The following KALRN variants were observed in gnomAD, a reference collection of about 807,000 sequenced individuals.
KALRN encodes the protein kalirin.
A neutral mutation model predicts 353.7 loss-of-function variants in KALRN; 70 were observed. That is an observed-to-expected ratio of 0.20 (90% CI 0.16 to 0.24). KALRN has a LOEUF of 0.24. KALRN is among the 10% of genes least tolerant of loss of function. The probability of loss-of-function intolerance (pLI) is 1.00; values close to 1 mark genes in which losing one functional copy is unlikely to be tolerated. For synonymous variants in KALRN, 1,391 were observed against 1,434.8 expected (o/e 0.97, Z 0.69); for missense variants, 2,791 against 3,756.7 (o/e 0.74, Z 6.72).
At chr3:124,122,243 T>C (rs941675364) in intron 1 of KALRN, among the ~76,000 whole-genome samples, 1 of 152,158 alleles carries the variant, frequency 6.6e-6, no homozygotes, top group Non-Finnish European at 1.5e-5. Context: ...GAGGCTCAAT[T>C]CCACTCTGCT....
At chr3:124,264,750 T>C (rs1184385128) in intron 4 of KALRN, 60 bp downstream of exon 4, 2 of 1,425,656 alleles carry the variant, frequency 1.4e-6, no homozygotes, top group Non-Finnish European at 2.0e-6. Flanking sequence ...CATCCACACA[T>C]TTCTCACGTC....
chr3:124,177,905 A>T (rs1413574016), intron 1 of KALRN, among the ~76,000 whole-genome samples: 1 of 152,188 alleles, frequency 6.6e-6, no homozygotes, highest in East Asian at 1.9e-4. Flanking sequence ...TCTCTGGGTA[A>T]TAGGTGGACT....
chr3:124,458,018 G>T (rs2059493189), intron 23 of KALRN, among the ~76,000 whole-genome samples: 1 of 152,120 alleles, frequency 6.6e-6, no homozygotes, highest in African/African-American at 2.4e-5. Flanking sequence ...GCTCACGTCT[G>T]TAATCCCAGC....
intron 28 of KALRN, among the ~76,000 whole-genome samples, chr3:124,487,272 A>G (rs561930657): frequency 3.3e-5 from 5 of 152,318 alleles, no homozygotes; most frequent in South Asian, 2.1e-4. Flanking sequence ...ATAGTTGGAA[A>G]TGATCTTTCC....
chr3:124,719,752 A>G lies in KALRN; in HGVS notation c.*282A>G. 3.4e-6 allele frequency: 1 copy of G among 297,658 alleles called. No individual in the cohort carries two copies. Among genetic ancestry groups the G allele is most frequent in the Non-Finnish European group, 6.3e-6 (1 of 158,708 alleles). 18.4% of individuals were successfully genotyped at this position (297,658 alleles called of 1,614,324 possible). A position where few individuals can be genotyped will look rare whatever the true frequency, so the allele number is the denominator to read the frequency against. ...AAAGATAAGAACAATATTAGCTGTT[A>G]CGAAATTTTAACTGTATCTTCCAAA... is the stretch of plus-strand genomic sequence containing the variant. On this transcript the variant is annotated 3_prime_UTR_variant, in exon 60 of 60. Transcript: ENST00000682506. The surrounding 1 kb of genome is among the most constrained non-coding windows in gnomAD (Gnocchi z 5.3).
At chr3:124,158,354 A>G (rs2069339542) in intron 1 of KALRN, among the ~76,000 whole-genome samples, 2 of 152,170 alleles carry the variant, frequency 1.3e-5, no homozygotes, top group Non-Finnish European at 2.9e-5. Flanking sequence ...TGCTTATCTG[A>G]TGGCCTCTGG....
chr3:124,236,869 A>G (rs754731727), intron 3 of KALRN, among the ~76,000 whole-genome samples: 4 of 152,224 alleles, frequency 2.6e-5, no homozygotes, highest in East Asian at 1.9e-4. Context: ...CATCAGTGCA[A>G]TCTGCACTCC....
intron 10 of KALRN, among the ~76,000 whole-genome samples, chr3:124,358,681 CTGTT>C (rs1411415753): frequency 2.0e-5 from 3 of 152,180 alleles, no homozygotes; most frequent in African/African-American, 7.2e-5. Flanking sequence ...GTGCTGGACA[CTGTT>C]TGAATTATTT....
At chr3:124,445,953 C>T (rs918187454) in intron 19 of KALRN, among the ~76,000 whole-genome samples, 1 of 152,232 alleles carries the variant, frequency 6.6e-6, no homozygotes, top group Non-Finnish European at 1.5e-5. Flanking sequence ...TCAATGGGCT[C>T]TCCCCCTAGA....
chr3:124,274,074 C>A (rs1457280995), intron 5 of KALRN, among the ~76,000 whole-genome samples: 1 of 152,224 alleles, frequency 6.6e-6, no homozygotes, highest in African/African-American at 2.4e-5. Context: ...TAAGTAGACT[C>A]ATTGTAGATG....
intron 26 of KALRN, among the ~76,000 whole-genome samples, chr3:124,475,769 T>A (rs2061375113): frequency 6.6e-6 from 1 of 152,216 alleles, no homozygotes; most frequent in Non-Finnish European, 1.5e-5. Context: ...GATTCTCAGA[T>A]AAGCTTTTTT....
intron 1 of KALRN, among the ~76,000 whole-genome samples, chr3:124,124,621 A>G (rs2064415901): frequency 6.6e-6 from 1 of 152,216 alleles, no homozygotes; most frequent in South Asian, 2.1e-4. Context: ...GAGTCAATCA[A>G]TGTGGCAAAT....
chr3:124,382,737 T>A (rs577541649), intron 10 of KALRN, among the ~76,000 whole-genome samples: 3 of 152,308 alleles, frequency 2.0e-5, no homozygotes, highest in African/African-American at 7.2e-5. Flanking sequence ...CTCTTTAGGA[T>A]TAAAGGTGGA....
intron 1 of KALRN, among the ~76,000 whole-genome samples, chr3:124,101,563 CA>C (rs1285536398): frequency 6.6e-6 from 1 of 152,158 alleles, no homozygotes. Context: ...CCAAACATTC[CA>C]AGTCAAGGAT....
intron 1 of KALRN, among the ~76,000 whole-genome samples, chr3:124,159,387 C>G (rs948003487): frequency 6.6e-6 from 1 of 152,188 alleles, no homozygotes; most frequent in Non-Finnish European, 1.5e-5. Flanking sequence ...CCTCCTACCT[C>G]AGCCCCCCAA....
At chr3:124,616,774 G>C (rs1432666500) in intron 34 of KALRN, among the ~76,000 whole-genome samples, 1 of 152,038 alleles carries the variant, frequency 6.6e-6, no homozygotes, top group African/African-American at 2.4e-5. Context: ...GACCATCCTG[G>C]CTAACACGGT....
intron 5 of KALRN, among the ~76,000 whole-genome samples, chr3:124,297,240 C>T (rs952155882): frequency 2.6e-5 from 4 of 152,222 alleles, no homozygotes; most frequent in Admixed American, 2.6e-4. Context: ...AGTTCTGGCT[C>T]CAGAGAGCTG....
At chr3:124,342,870 A>G (rs1448220609) in intron 9 of KALRN, among the ~76,000 whole-genome samples, 1 of 152,184 alleles carries the variant, frequency 6.6e-6, no homozygotes, top group Non-Finnish European at 1.5e-5. Context: ...AAAATATGTT[A>G]TGTCTGTGCT....
chr3:124,443,915 C>G (rs562425718), intron 19 of KALRN, among the ~76,000 whole-genome samples: 1 of 152,288 alleles, frequency 6.6e-6, no homozygotes, highest in South Asian at 2.1e-4. Flanking sequence ...TGGGTTTCTA[C>G]TCCTTCCTTG....
Sources: gnomAD v4.1 joint callset for allele counts (sites outside exome capture counted in the v4.1 genomes callset) on GRCh38, gnomAD v4.1.1 for gene constraint, Gnocchi (gnomAD v3.1) non-coding constraint, MANE v1.5 for transcripts, NCBI Gene and HGNC (gene_info 2026-07-23, HGNC 2026-07-21) for gene names.